LRRTM4: variants seen among roughly 807,000 people sequenced by gnomAD.
LRRTM4 encodes leucine rich repeat transmembrane neuronal 4, also known as leucine-rich repeat transmembrane neuronal protein 4.
Under a neutral mutation model 47.6 loss-of-function variants are expected in LRRTM4, and 25 were observed. The observed-to-expected ratio is 0.53, with a 90% CI of 0.38 to 0.73. LRRTM4 has a LOEUF of 0.73. Among genes scored for constraint, LRRTM4 ranks in the 30% least tolerant of loss-of-function variants. LRRTM4 has a pLI of 0.00. For synonymous variants in LRRTM4, 311 were observed against 269.5 expected (o/e 1.15, Z -1.51); for missense variants, 638 against 713.4 (o/e 0.89, Z 1.20).
chr2:77,024,946 G>A (rs1426731206), intron 3 of LRRTM4, among the ~76,000 whole-genome samples: 1 of 152,062 alleles, frequency 6.6e-6, no homozygotes, highest in African/African-American at 2.4e-5. Context: ...AACAATTTGA[G>A]AAATTATTAG....
intron 3 of LRRTM4, among the ~76,000 whole-genome samples, chr2:77,109,235 T>C (rs994677077): frequency 1.3e-5 from 2 of 152,182 alleles, no homozygotes; most frequent in African/African-American, 4.8e-5. Flanking sequence ...TCAGGAATAA[T>C]GTCTTAGAAC....
At chr2:77,407,845 T>C (rs1674274835) in intron 3 of LRRTM4, among the ~76,000 whole-genome samples, 1 of 150,750 alleles carries the variant, frequency 6.6e-6, no homozygotes, top group Middle Eastern at 3.4e-3. Context: ...CTGTTAACAG[T>C]CTTGCTCAGG....
intron 3 of LRRTM4, among the ~76,000 whole-genome samples, chr2:77,138,871 A>G (rs1672030098): frequency 6.6e-6 from 1 of 152,226 alleles, no homozygotes; most frequent in African/African-American, 2.4e-5. Context: ...TAGAAAATCT[A>G]GAAGAAATGG....
intron 3 of LRRTM4, among the ~76,000 whole-genome samples, chr2:77,393,289 TAG>T (rs1673575930): frequency 6.6e-6 from 1 of 151,964 alleles, no homozygotes; most frequent in Non-Finnish European, 1.5e-5. Context: ...TCCCACGGCA[TAG>T]AGTCTACCAG....
At chr2:76,874,363 G>GCC (rs1672721078) in intron 3 of LRRTM4, among the ~76,000 whole-genome samples, 1 of 151,784 alleles carries the variant, frequency 6.6e-6, no homozygotes, top group Non-Finnish European at 1.5e-5. Context: ...TTATTCTATG[G>GCC]CTATACTGTA....
At chr2:77,362,315 G>A (rs1205724820) in intron 3 of LRRTM4, among the ~76,000 whole-genome samples, 1 of 152,078 alleles carries the variant, frequency 6.6e-6, no homozygotes, top group Non-Finnish European at 1.5e-5. Flanking sequence ...TTCTTGGACA[G>A]AAGAAGTTCT....
intron 3 of LRRTM4, among the ~76,000 whole-genome samples, chr2:77,345,135 A>C (rs1330129968): frequency 6.6e-6 from 1 of 151,610 alleles, no homozygotes; most frequent in Non-Finnish European, 1.5e-5. Context: ...ATAGTTTAAA[A>C]GAATAAAAGA....
intron 3 of LRRTM4, among the ~76,000 whole-genome samples, chr2:77,066,196 C>G (rs1284156788): frequency 3.9e-5 from 6 of 152,034 alleles, no homozygotes; most frequent in Non-Finnish European, 7.4e-5. Flanking sequence ...ATTCCTGGTT[C>G]TATTAATTTC....
At chr2:77,219,421 C>G (rs1442423875) in intron 3 of LRRTM4, among the ~76,000 whole-genome samples, 1 of 152,096 alleles carries the variant, frequency 6.6e-6, no homozygotes, top group Non-Finnish European at 1.5e-5. Flanking sequence ...CCCCAGAAGT[C>G]TGAATTTCTA....
At chr2:76,916,439 A>G (rs1674254450) in intron 3 of LRRTM4, among the ~76,000 whole-genome samples, 1 of 151,548 alleles carries the variant, frequency 6.6e-6, no homozygotes, top group South Asian at 2.1e-4. Flanking sequence ...GGTCAGGAAA[A>G]ATTGTAAAAT....
intron 3 of LRRTM4, among the ~76,000 whole-genome samples, chr2:76,853,889 A>T (rs1209642183): frequency 6.6e-6 from 1 of 152,210 alleles, no homozygotes; most frequent in African/African-American, 2.4e-5. Context: ...TGTTCTCTCA[A>T]TGCCAAAATG....
intron 3 of LRRTM4, among the ~76,000 whole-genome samples, chr2:77,091,148 C>G (rs979589350): frequency 6.6e-6 from 1 of 151,860 alleles, no homozygotes; most frequent in African/African-American, 2.4e-5. Context: ...GACACTTTAA[C>G]TAAATTATCT....
intron 3 of LRRTM4, among the ~76,000 whole-genome samples, chr2:77,172,600 TA>T (rs111390590): frequency 0.036 from 5,334 of 150,082 alleles, 157 homozygotes; most frequent in African/African-American, 0.085. Context: ...CTCAAAAACA[TA>T]AAAAAAAAAA....
chr2:77,441,850 A>C (rs1438584393), intron 3 of LRRTM4, among the ~76,000 whole-genome samples: 1 of 152,154 alleles, frequency 6.6e-6, no homozygotes, highest in Non-Finnish European at 1.5e-5. Flanking sequence ...CTTAATCAAT[A>C]AACTGTTTAA....
At chr2:77,255,258 A>T (rs912973529) in intron 3 of LRRTM4, among the ~76,000 whole-genome samples, 5 of 151,996 alleles carry the variant, frequency 3.3e-5, no homozygotes. Flanking sequence ...AAAGAGAGAT[A>T]CAAAATATGT....
chr2:77,052,251 C>A (rs1679460897), intron 3 of LRRTM4, among the ~76,000 whole-genome samples: 1 of 145,292 alleles, frequency 6.9e-6, no homozygotes, highest in Admixed American at 7.2e-5. Context: ...TCACCACAAC[C>A]TCCGGCTCCC....
chr2:76,957,225 A>G (rs1362024308), intron 3 of LRRTM4, among the ~76,000 whole-genome samples: 3 of 151,838 alleles, frequency 2.0e-5, no homozygotes, highest in East Asian at 3.9e-4. Context: ...TCTTAGAACC[A>G]GATGTAGAAT....
intron 3 of LRRTM4, among the ~76,000 whole-genome samples, chr2:77,154,427 G>A (rs72807286): frequency 0.038 from 5,798 of 152,146 alleles, 144 homozygotes; most frequent in Non-Finnish European, 0.057. Flanking sequence ...ATAGATTTTA[G>A]CATTTCCACT....
chr2:76,890,899 G>A (rs183220858), intron 3 of LRRTM4, among the ~76,000 whole-genome samples: 10 of 151,972 alleles, frequency 6.6e-5, no homozygotes, highest in East Asian at 3.9e-4. Context: ...GTACAGAGGC[G>A]TAACAGTTGC....
Sources: allele counts gnomAD v4.1 joint callset (sites outside exome capture counted in the v4.1 genomes callset), GRCh38; gene constraint gnomAD v4.1.1; transcripts MANE v1.5; gene names NCBI Gene and HGNC (gene_info 2026-07-23, HGNC 2026-07-21).